EDNRA: variants seen among roughly 807,000 people sequenced by gnomAD.
EDNRA encodes endothelin-1 receptor.
A neutral mutation model predicts 41.4 loss-of-function variants in EDNRA; 11 were observed. That is an observed-to-expected ratio of 0.27 (90% confidence interval 0.17 to 0.44). The LOEUF (loss-of-function observed/expected upper bound fraction) is 0.44. EDNRA is among the 20% of genes least tolerant of loss of function. EDNRA has a pLI of 1.00. For missense variants in EDNRA, 294 were observed against 531.0 expected, an observed-to-expected ratio of 0.55 and a Z score of 4.39; for synonymous variants, 172 against 183.0, an observed-to-expected ratio of 0.94 and a Z score of 0.49.
At position 147,524,274 on chromosome 4, in the gene EDNRA, T is replaced by C. The variant is rs1404681453; in HGVS notation, c.548+4296T>C. 4.6e-5 allele frequency among the ~76,000 whole-genome samples: 7 copies of C among 152,108 alleles called. No homozygotes were observed. The East Asian group carries it at 1.4e-3, about 29-fold the overall frequency. ...GCCTCCTCTTTCTTCCTTGGGGGGA[T>C]CTAGGAGCATCATGCGGAGCTTCAG... On this transcript the variant is annotated intron_variant, in intron 3 of 7. Coordinates refer to ENST00000651419, the MANE Select transcript of EDNRA (RefSeq NM_001957.4).
At chr4:147,517,602 A>T (rs948464698) in intron 2 of EDNRA, among the ~76,000 whole-genome samples, 1 of 152,208 alleles carries the variant, frequency 6.6e-6, no homozygotes, top group Non-Finnish European at 1.5e-5. Context: ...ATTTTCTCCA[A>T]TGATTTCTTT....
At chr4:147,541,365 C>A (rs1731098073) in intron 7 of EDNRA, among the ~76,000 whole-genome samples, 1 of 152,082 alleles carries the variant, frequency 6.6e-6, no homozygotes, top group South Asian at 2.1e-4. Context: ...GGCTGTTTAA[C>A]TTTAGCTTAT....
At chr4:147,530,869 A>G (rs1398532026) in intron 3 of EDNRA, among the ~76,000 whole-genome samples, 7 of 152,206 alleles carry the variant, frequency 4.6e-5, no homozygotes, top group Non-Finnish European at 7.3e-5. Flanking sequence ...CCTGTCTCCA[A>G]TGCATTCGGT....
At chr4:147,501,479 C>T (rs1729514946) in intron 2 of EDNRA, among the ~76,000 whole-genome samples, 1 of 152,186 alleles carries the variant, frequency 6.6e-6, no homozygotes, top group Non-Finnish European at 1.5e-5. Flanking sequence ...ATTGAGAAGT[C>T]TTCCTCTTAG....
intron 2 of EDNRA, among the ~76,000 whole-genome samples, chr4:147,501,515 C>CTATAGAGG (rs1729516186): frequency 6.6e-6 from 1 of 152,170 alleles, no homozygotes; most frequent in African/African-American, 2.4e-5. Context: ...CAAATTTCCC[C>CTATAGAGG]ACTCCCACCC....
chr4:147,535,540 T>G (rs1730890811), intron 4 of EDNRA, among the ~76,000 whole-genome samples: 1 of 152,210 alleles, frequency 6.6e-6, no homozygotes, highest in Non-Finnish European at 1.5e-5. Context: ...CTCAAAATCA[T>G]GTTTTATGAG....
Position 147,519,672 on chromosome 4 carries a change from T to G in EDNRA, c.421-179T>G, listed in dbSNP as rs577018225. On this transcript the variant is annotated intron_variant, in intron 2 of 7. Transcript: ENST00000651419. The surrounding 1 kb of genome is among the most constrained non-coding windows in gnomAD (Gnocchi z 4.1). ...CTGTATATCTTTCCAGACTAAAAAT[T>G]GCTGAGGCTTTAAAATACGAAAGAA... Among the ~76,000 whole-genome samples the G allele has an allele frequency of 6.6e-6, 1 of 151,908 alleles. No individual in the cohort carries two copies. The highest frequency in any genetic ancestry group is 1.5e-5 in the Non-Finnish European group (1 of 67,974).
At chr4:147,526,409 C>T (rs1051059125) in intron 3 of EDNRA, among the ~76,000 whole-genome samples, 5 of 152,166 alleles carry the variant, frequency 3.3e-5, no homozygotes, top group African/African-American at 1.2e-4. Context: ...ATGCCTGGCA[C>T]CTTGGCAGGG....
At chr4:147,522,838 T>C (rs1220587976) in intron 3 of EDNRA, among the ~76,000 whole-genome samples, 1 of 152,222 alleles carries the variant, frequency 6.6e-6, no homozygotes, top group African/African-American at 2.4e-5. Context: ...CCCGAGAACC[T>C]GTGCCCAAGG....
At chr4:147,488,104 C>T in intron 2 of EDNRA, 1 of 152,174 alleles carries the variant, frequency 6.6e-6, no homozygotes, top group African/African-American at 2.4e-5. Flanking sequence ...CCCATCATGG[C>T]TCAAGAAAAT....
In EDNRA at chr4:147,487,504, A is replaced by G. The variant is rs10305871; in HGVS notation, c.420+1403A>G. Among the ~76,000 whole-genome samples, 854 of 152,324 alleles carry G rather than the reference A, an allele frequency of 5.6e-3. 9 individuals are homozygous for G. The highest frequency in any genetic ancestry group is 0.019 in the African/African-American group (796 of 41,576). ...TATGTATTATGCATAGAAAGCAACTATTCTAAGAGGTAATATTCTGAAATA... is the reference window on the plus strand; with the variant it reads ...TATGTATTATGCATAGAAAGCAACTGTTCTAAGAGGTAATATTCTGAAATA... On this transcript the variant is annotated intron_variant, in intron 2 of 7. Coordinates refer to ENST00000651419, the MANE Select transcript of EDNRA (RefSeq NM_001957.4).
chr4:147,522,341 C>T (rs1022773910), intron 3 of EDNRA, among the ~76,000 whole-genome samples: 3 of 152,064 alleles, frequency 2.0e-5, no homozygotes, highest in African/African-American at 7.2e-5. Context: ...GAGTTCAAGA[C>T]CAGGCTGCCC....
chr4:147,540,452 T>C lies in EDNRA; in HGVS notation c.1110T>C (p.Tyr370=), dbSNP rs2292764. The change falls in exon 7 of 8, where the codon TAT becomes TAC. Residue 370 remains tyrosine (Y), a synonymous_variant. Coordinates refer to ENST00000651419, the MANE Select transcript of EDNRA (RefSeq NM_001957.4). The part of the protein sequence containing the change: ...MNSCINPIAL[Y]FVSKKFKNCF... ...CATGTATAAACCCCATAGCTCTGTA[T>C]TTTGTGAGCAAGAAATTTAAAAATT... 1.6e-4 allele frequency: 259 copies of C among 1,612,262 alleles called. 3 individuals are homozygous for C. The East Asian group carries it at 5.7e-3, about 35-fold the overall frequency.
intron 2 of EDNRA, among the ~76,000 whole-genome samples, chr4:147,504,264 A>G (rs141675030): frequency 7.2e-5 from 11 of 152,342 alleles, no homozygotes; most frequent in African/African-American, 2.6e-4. Context: ...GTAAAGTGAA[A>G]CCATATTAAT....
At position 147,519,928 on chromosome 4, in the gene EDNRA, G is replaced by A; in HGVS notation, c.498G>A (p.Lys166=). ...FLCKLFPFLQ[K]SSVGITVLNL... is the part of the protein sequence containing the mutation. ...GCAAGCTGTTCCCCTTTTTGCAGAA[G>A]TCCTCGGTGGGGATCACCGTCCTCA... is the stretch of plus-strand genomic sequence containing the variant. The change falls in exon 3 of 8, where the codon AAG becomes AAA. Residue 166 remains lysine (K), a synonymous_variant. Coordinates refer to ENST00000651419, the MANE Select transcript of EDNRA (RefSeq NM_001957.4). This position sits in a 1 kb window ranked among gnomAD's most constrained non-coding sequence, Gnocchi z 4.1. 2 of 1,613,434 alleles carry A rather than the reference G, an allele frequency of 1.2e-6. No homozygotes were observed. Among genetic ancestry groups the A allele is most frequent in the Non-Finnish European group, 1.7e-6 (2 of 1,179,576 alleles).
intron 2 of EDNRA, among the ~76,000 whole-genome samples, chr4:147,487,017 A>G (rs1560891632): frequency 6.6e-6 from 1 of 152,136 alleles, no homozygotes; most frequent in Non-Finnish European, 1.5e-5. Context: ...GGCCTCAGGA[A>G]GCTTCCAAAT....
chr4:147,510,355 T>C (rs976154723), intron 2 of EDNRA, among the ~76,000 whole-genome samples: 12 of 152,202 alleles, frequency 7.9e-5, no homozygotes, highest in Non-Finnish European at 1.6e-4. Context: ...AAAATGCTTA[T>C]AGTAGAGATA....
chr4:147,489,936 CTG>C (rs1328796704), intron 2 of EDNRA: 1 of 152,112 alleles, frequency 6.6e-6, no homozygotes, highest in African/African-American at 2.4e-5. Flanking sequence ...TGGCTCAGCT[CTG>C]TCAAAATGCT....
intron 2 of EDNRA, chr4:147,493,960 C>T (rs1000752727): frequency 1.1e-4 from 16 of 152,138 alleles, no homozygotes; most frequent in Non-Finnish European, 1.5e-4. Context: ...ATTTAGAGGT[C>T]GCTTCTCAGA....
Sources: gnomAD v4.1 joint callset for allele counts (sites outside exome capture counted in the v4.1 genomes callset) on GRCh38, gnomAD v4.1.1 for gene constraint, Gnocchi (gnomAD v3.1) non-coding constraint, MANE v1.5 for transcripts, NCBI Gene and HGNC (gene_info 2026-07-23, HGNC 2026-07-21) for gene names.